The following JAK1 variants were observed in gnomAD, a reference collection of about 807,000 sequenced individuals.
JAK1 encodes tyrosine-protein kinase JAK1.
JAK1 carries 16 observed loss-of-function variants against 136.6 expected under a neutral mutation model. The observed-to-expected ratio is 0.12, with a 90% CI of 0.08 to 0.18. The LOEUF (loss-of-function observed/expected upper bound fraction) is 0.18. Ranked by LOEUF, JAK1 falls within the 10% of genes least tolerant of loss-of-function variation. The pLI is 1.00. For synonymous variants in JAK1, 492 were observed against 519.5 expected, an observed-to-expected ratio of 0.95 and a Z score of 0.72; for missense variants, 859 against 1,450.1, an observed-to-expected ratio of 0.59 and a Z score of 6.62.
intron 1 of JAK1, among the ~76,000 whole-genome samples, chr1:65,056,168 A>G (rs901738234): frequency 6.6e-6 from 1 of 152,254 alleles, no homozygotes; most frequent in African/African-American, 2.4e-5. Flanking sequence ...AGAAAACTCC[A>G]AAGAATTTCA....
intron 22 of JAK1, among the ~76,000 whole-genome samples, chr1:64,837,418 C>T (rs167454): frequency 0.36 from 54,651 of 152,030 alleles, 12,106 homozygotes; most frequent in African/African-American, 0.63. Context: ...ACAGTGTTCC[C>T]GGCTGAGACA....
At chr1:64,937,636 C>A (rs1312307863) in intron 1 of JAK1, among the ~76,000 whole-genome samples, 1 of 152,066 alleles carries the variant, frequency 6.6e-6, no homozygotes, top group African/African-American at 2.4e-5. Context: ...TGATTAGTAA[C>A]TGAAAACCAA....
chr1:65,003,672 T>C, intron 2 of JAK1: 1 of 152,108 alleles, frequency 6.6e-6, no homozygotes, highest in East Asian at 1.9e-4. Flanking sequence ...AAGGCAGGAA[T>C]GGAATCTGTC....
At chr1:65,043,725 T>TG (rs1647157190) in intron 2 of JAK1, among the ~76,000 whole-genome samples, 1 of 128,830 alleles carries the variant, frequency 7.8e-6, no homozygotes, top group Non-Finnish European at 1.6e-5. Flanking sequence ...TTTTTTTTTT[T>TG]GCTTGTTTGT....
chr1:64,945,656 G>C (rs980274662), intron 1 of JAK1, among the ~76,000 whole-genome samples: 1 of 145,650 alleles, frequency 6.9e-6, no homozygotes, highest in Admixed American at 6.7e-5. Context: ...TAAGGAAACA[G>C]GGAACGAAGT....
chr1:64,931,704 ACT>A (rs759349614), intron 1 of JAK1, among the ~76,000 whole-genome samples: 2 of 151,820 alleles, frequency 1.3e-5, no homozygotes, highest in African/African-American at 2.4e-5. Context: ...GCCTATCAAA[ACT>A]CTGTTCTTTA....
At chr1:65,046,793 A>G (rs894752550) in intron 1 of JAK1, among the ~76,000 whole-genome samples, 3 of 145,358 alleles carry the variant, frequency 2.1e-5, no homozygotes, top group African/African-American at 2.6e-5. Flanking sequence ...CAAGTGATCC[A>G]CTCGCCTCAG....
chr1:64,868,025 A>T (rs187900459), intron 6 of JAK1, among the ~76,000 whole-genome samples: 1 of 151,940 alleles, frequency 6.6e-6, no homozygotes, highest in Admixed American at 6.6e-5. Context: ...AGAGAGAGAG[A>T]GAGTGAGAGA....
At chr1:64,993,622 AT>A (rs1297636876) in intron 2 of JAK1, 2 of 151,690 alleles carry the variant, frequency 1.3e-5, no homozygotes, top group African/African-American at 2.4e-5. Context: ...ATTTTATTTT[AT>A]TTTTATTTTT....
At chr1:64,953,376 G>C (rs1646125316) in intron 1 of JAK1, among the ~76,000 whole-genome samples, 1 of 152,228 alleles carries the variant, frequency 6.6e-6, no homozygotes, top group South Asian at 2.1e-4. Context: ...AAGTCACAGA[G>C]CTAGTAAGTG....
chr1:64,851,845 A>G (rs953429418), intron 11 of JAK1, among the ~76,000 whole-genome samples: 1 of 152,224 alleles, frequency 6.6e-6, no homozygotes, highest in Non-Finnish European at 1.5e-5. Flanking sequence ...ACGAACATGC[A>G]TTTCCCTTCA....
intron 1 of JAK1, among the ~76,000 whole-genome samples, chr1:64,936,636 C>G (rs1248619233): frequency 6.6e-6 from 1 of 152,150 alleles, no homozygotes; most frequent in Non-Finnish European, 1.5e-5. Flanking sequence ...TGACCAGTAG[C>G]CAGGGTGTAA....
rs35237903 is a variant in JAK1 at position 64,873,439 on chromosome 1, G to T, written c.414C>A (p.Tyr138Ter). The change falls in exon 5 of 25, where the codon TAC becomes TAA. Residue 138 changes from tyrosine to a stop codon, truncating the protein, a stop_gained. Transcript: ENST00000342505. LOFTEE classifies it high-confidence loss of function. ...TTGCATCTGGAATCTTTTTTTTCTCGTAGCCATTTTTCTGCTTCTTTGGAG... is the reference window on the plus strand; with the variant it reads ...TTGCATCTGGAATCTTTTTTTTCTCTTAGCCATTTTTCTGCTTCTTTGGAG... The part of the protein sequence containing the change: ...RHSPKKQKNG[Y>*]EKKKIPDATP... 1.5e-4 allele frequency: 239 copies of T among 1,614,122 alleles called. 5 individuals are homozygous for T. The South Asian group carries it at 2.3e-3, about 16-fold the overall frequency.
chr1:64,974,300 C>T (rs1372222154), intron 2 of JAK1: 1 of 152,204 alleles, frequency 6.6e-6, no homozygotes, highest in Non-Finnish European at 1.5e-5. Context: ...AGTCTAACTG[C>T]CCCACAGATG....
chr1:64,882,546 GTGATTTAACTTAATTTCTA>G (rs1416741549), intron 3 of JAK1, among the ~76,000 whole-genome samples: 1 of 152,206 alleles, frequency 6.6e-6, no homozygotes, highest in African/African-American at 2.4e-5. Context: ...GATTAGATCT[GTGATTTAACTTAATTTCTA>G]TGATTTAACT....
chr1:64,865,912 A>C (rs893271320), intron 7 of JAK1, among the ~76,000 whole-genome samples: 8 of 152,044 alleles, frequency 5.3e-5, no homozygotes, highest in African/African-American at 1.7e-4. Flanking sequence ...GGCACGTGCC[A>C]CCACATCCTG....
At chr1:64,843,647 G>A (rs918004716) in intron 17 of JAK1, among the ~76,000 whole-genome samples, 4 of 152,172 alleles carry the variant, frequency 2.6e-5, no homozygotes, top group Admixed American at 2.0e-4. Flanking sequence ...GGCAAGGCCT[G>A]TATCTTATTT....
intron 2 of JAK1, among the ~76,000 whole-genome samples, chr1:65,023,686 T>C (rs112167028): frequency 0.055 from 8,307 of 152,192 alleles, 290 homozygotes; most frequent in South Asian, 0.1. Context: ...GGTTTCACCA[T>C]GTTAGCCAGG....
chr1:65,055,574 CAT>C (rs1647495044), intron 1 of JAK1, among the ~76,000 whole-genome samples: 1 of 152,214 alleles, frequency 6.6e-6, no homozygotes, highest in Admixed American at 6.5e-5. Flanking sequence ...TACCATCTCA[CAT>C]ACTTCACCTA....
Sources: allele counts gnomAD v4.1 joint callset (sites outside exome capture counted in the v4.1 genomes callset), GRCh38; gene constraint gnomAD v4.1.1; transcripts MANE v1.5; gene names NCBI Gene and HGNC (gene_info 2026-07-23, HGNC 2026-07-21).